LAMTOR5: variants seen among roughly 807,000 people sequenced by gnomAD.
LAMTOR5 encodes ragulator complex protein LAMTOR5.
Under a neutral mutation model 12.1 loss-of-function variants are expected in LAMTOR5, and 8 were observed. That is an observed-to-expected ratio of 0.66 (90% confidence interval 0.39 to 1.19). LAMTOR5 has a LOEUF of 1.19. Ranked by LOEUF, LAMTOR5 falls within the 50% of genes most tolerant of loss-of-function variation. LAMTOR5 has a pLI of 0.01. For synonymous variants in LAMTOR5, 37 were observed against 41.9 expected (o/e 0.88, Z 0.45); for missense variants, 110 against 112.8 (o/e 0.97, Z 0.11).
At chr1:110,407,558 A>C (rs758585292) in intron 1 of LAMTOR5, 28 bp downstream of exon 1, 1 of 1,607,630 alleles carries the variant, frequency 6.2e-7, no homozygotes, top group South Asian at 1.1e-5. Flanking sequence ...CGACCTCAGG[A>C]CAGGCCGAAG....
At position 110,401,533 on chromosome 1, in the gene LAMTOR5, A is replaced by AT; in HGVS notation, c.265dup (p.Met89AsnfsTer23). The AT allele has an allele frequency of 1.2e-6, 2 of 1,607,564 alleles. No homozygotes were observed. Among genetic ancestry groups the AT allele is most frequent in the Non-Finnish European group, 1.7e-6 (2 of 1,174,566 alleles). ...GAACAGATATGAGCATCAAGAGGCC[A>AT]TTTTGTGCACTGCCACCGTGATGCC... On this transcript the variant is annotated frameshift_variant, in exon 4 of 4. Transcript: ENST00000602318. LOFTEE classifies it high-confidence loss of function.
In LAMTOR5 at chr1:110,403,920, C is replaced by A; in HGVS notation, c.214G>T (p.Gly72Trp). 6.2e-7 allele frequency: 1 copy of A among 1,613,540 alleles called. No homozygotes were observed. The highest frequency in any genetic ancestry group is 8.5e-7 in the Non-Finnish European group (1 of 1,179,828). The stretch of plus-strand genomic sequence containing the variant: ...AAGGATCTGCTGAAATCTACTCACC[C>A]ATTATCTGATTCTAGACACACCACA... ...IPVVCLESDN[G>W]NIMIQKHDGI... is the part of the protein sequence containing the mutation. The change falls in exon 3 of 4, where the codon GGG becomes TGG. Residue 72 changes from glycine (G) to tryptophan (W), a missense_variant and splice_region_variant. Coordinates refer to ENST00000602318, the MANE Select transcript of LAMTOR5 (RefSeq NM_001382293.1).
At position 110,403,930 on chromosome 1, in the gene LAMTOR5, T is replaced by A. The variant is rs200442714; in HGVS notation, c.204A>T (p.Glu68Asp). 60 of 1,613,990 alleles carry A rather than the reference T, an allele frequency of 3.7e-5. No individual in the cohort carries two copies. Among genetic ancestry groups the A allele is most frequent in the Non-Finnish European group, 4.8e-5 (57 of 1,180,010 alleles). The change falls in exon 3 of 4, where the codon GAA becomes GAT. Residue 68 changes from glutamate to aspartate, a missense_variant. Transcript: ENST00000602318. ...DPTDIPVVCL[E>D]SDNGNIMIQK... is the part of the protein sequence containing the mutation. Reference sequence around the variant, plus strand: ...TGAAATCTACTCACCCATTATCTGATTCTAGACACACCACAGGAATATCAG... The same window carrying A: ...TGAAATCTACTCACCCATTATCTGAATCTAGACACACCACAGGAATATCAG...
Position 110,407,680 on chromosome 1 carries a change from A to G in LAMTOR5, c.-60T>C. 1 of 1,614,156 alleles carries G rather than the reference A, an allele frequency of 6.2e-7. No individual in the cohort carries two copies. The highest frequency in any genetic ancestry group is 8.5e-7 in the Non-Finnish European group (1 of 1,180,028). ...GGCACGGCACGTCCTTCTCCACCAC[A>G]GGCCTCAGTCACTTGACGCGAGCGG... On this transcript the variant is annotated 5_prime_UTR_variant, in exon 1 of 4. Coordinates refer to ENST00000602318, the MANE Select transcript of LAMTOR5 (RefSeq NM_001382293.1).
intron 3 of LAMTOR5, among the ~76,000 whole-genome samples, chr1:110,403,355 T>G (rs1341519070): frequency 6.6e-6 from 1 of 152,146 alleles, no homozygotes; most frequent in African/African-American, 2.4e-5. Flanking sequence ...ATTCCTGTAA[T>G]CCCAGCACTT....
Position 110,401,316 on chromosome 1 carries a change from T to C in LAMTOR5, c.*207A>G. 1 of 428,610 alleles carries C rather than the reference T, an allele frequency of 2.3e-6. No individual in the cohort carries two copies. 26.6% of individuals were successfully genotyped at this position (428,610 alleles called of 1,614,324 possible). The stretch of plus-strand genomic sequence containing the variant: ...TATATACAAAGTGACCTGGACCTGC[T>C]GCTTCAAAACATGATCCTTTCTTAC... On this transcript the variant is annotated 3_prime_UTR_variant, in exon 4 of 4. Coordinates refer to ENST00000602318, the MANE Select transcript of LAMTOR5 (RefSeq NM_001382293.1).
At chr1:110,404,170 G>A (rs1404775790) in intron 2 of LAMTOR5, 134 bp from the exon 3 acceptor site, 39 of 1,286,132 alleles carry the variant, frequency 3.0e-5, no homozygotes, top group Non-Finnish European at 3.9e-5. Context: ...ATATATTATA[G>A]TAACTAAATC....
At chr1:110,405,754 T>C (rs1295475716) in intron 2 of LAMTOR5, among the ~76,000 whole-genome samples, 3 of 152,206 alleles carry the variant, frequency 2.0e-5, no homozygotes, top group Non-Finnish European at 4.4e-5. Flanking sequence ...ATTACCATTA[T>C]CAAATAACAA....
rs112562636 is a variant in LAMTOR5, at chr1:110,407,585, C to T, written c.35+1G>A. On this transcript the variant is annotated splice_donor_variant, in intron 1 of 3. Coordinates refer to ENST00000602318, the MANE Select transcript of LAMTOR5 (RefSeq NM_001382293.1). LOFTEE classifies it high-confidence loss of function. ...AGGCCGAAGAGGCGCGCACTACTCA[C>T]GTGTCTTCCAAGTGCTGCTCCAAGG... The T allele has an allele frequency of 6.2e-7, 1 of 1,613,952 alleles. No individual in the cohort carries two copies. Among genetic ancestry groups the T allele is most frequent in the African/African-American group, 1.3e-5 (1 of 75,038 alleles).
intron 3 of LAMTOR5, 68 bp from the exon 4 acceptor site, chr1:110,401,651 T>C: frequency 6.6e-7 from 1 of 1,506,708 alleles, no homozygotes; most frequent in Non-Finnish European, 9.2e-7. Flanking sequence ...ATTAAAGATG[T>C]TGTTTGCTTT....
chr1:110,402,748 C>T (rs1446556563), intron 3 of LAMTOR5, among the ~76,000 whole-genome samples: 1 of 152,132 alleles, frequency 6.6e-6, no homozygotes, highest in African/African-American at 2.4e-5. Context: ...ATTGATGATC[C>T]TGACCCTGTG....
intron 1 of LAMTOR5, 93 bp downstream of exon 1, chr1:110,407,489 AGACG>A: frequency 6.9e-7 from 1 of 1,444,476 alleles, no homozygotes; most frequent in Non-Finnish European, 9.3e-7. Flanking sequence ...GACGTCCCCG[AGACG>A]CCCTGGCCGG....
At chr1:110,402,255 T>C (rs1226234669) in intron 3 of LAMTOR5, among the ~76,000 whole-genome samples, 1 of 152,192 alleles carries the variant, frequency 6.6e-6, no homozygotes, top group South Asian at 2.1e-4. Context: ...TACTATACTT[T>C]TTTTCTTTTT....
intron 3 of LAMTOR5, among the ~76,000 whole-genome samples, chr1:110,403,357 C>T (rs1318869951): frequency 6.6e-6 from 1 of 151,908 alleles, no homozygotes; most frequent in Non-Finnish European, 1.5e-5. Context: ...TCCTGTAATC[C>T]CAGCACTTTG....
rs757496854 is a variant in LAMTOR5, at chr1:110,406,335, T to C, written c.80A>G (p.Gln27Arg). 5 of 1,608,022 alleles carry C rather than the reference T, an allele frequency of 3.1e-6. No individual in the cohort carries two copies. The highest frequency in any genetic ancestry group is 3.4e-6 in the Non-Finnish European group (4 of 1,177,104). ...ATACTTACAACCCAGATTAAGTCCT[T>C]GTGAATCTGTGCACAGGACTCCAAC... ...SIVGVLCTDS[Q>R]GLNLGCRGTL... Residue 27 changes from glutamine (Q) to arginine (R), a missense_variant, in exon 2 of 4, where the codon CAA becomes CGA. Physicochemically the swap from Gln to Arg is conservative, Grantham distance 43. Coordinates refer to ENST00000602318, the MANE Select transcript of LAMTOR5 (RefSeq NM_001382293.1).
intron 1 of LAMTOR5, chr1:110,406,767 T>C (rs960762477): frequency 2.8e-6 from 1 of 352,296 alleles, no homozygotes; most frequent in Non-Finnish European, 5.1e-6. Context: ...GAGGTTGCAG[T>C]GAGCCGAGAT....
intron 3 of LAMTOR5, chr1:110,403,488 T>C (rs1333994816): frequency 6.4e-6 from 1 of 156,048 alleles, no homozygotes; most frequent in African/African-American, 2.4e-5. Context: ...TGTACACCTG[T>C]AGTCTCAGCT....
Position 110,406,218 on chromosome 1 carries a change from G to A in LAMTOR5, c.97+100C>T, listed in dbSNP as rs918270322. ...CTCAAACTCAGAAAGACCTGGCAAG[G>A]TAACAGGAAATAAAAGCTAGAAAAT... is the stretch of plus-strand genomic sequence containing the variant. On this transcript the variant is annotated intron_variant, in intron 2 of 3. Transcript: ENST00000602318. 2.6e-5 allele frequency: 19 copies of A among 733,016 alleles called. No homozygotes were observed. In the African/African-American group the frequency reaches 3.5e-4, roughly 13 times the overall value. The allele number at this position is 733,016 out of a possible 1,614,324, so 45.4% of individuals were successfully genotyped here.
chr1:110,403,200 GTA>G (rs1240192673), intron 3 of LAMTOR5, among the ~76,000 whole-genome samples: 3 of 149,756 alleles, frequency 2.0e-5, no homozygotes, highest in Non-Finnish European at 4.5e-5. Flanking sequence ...ATGCATGACT[GTA>G]TGTTTTTTCT....
Sources: gnomAD v4.1 joint callset for allele counts (sites outside exome capture counted in the v4.1 genomes callset) on GRCh38, gnomAD v4.1.1 for gene constraint, MANE v1.5 for transcripts, NCBI Gene and HGNC (gene_info 2026-07-23, HGNC 2026-07-21) for gene names.